DSCAM: variants seen among roughly 807,000 people sequenced by gnomAD.
The protein encoded by DSCAM is cell adhesion molecule DSCAM.
A neutral mutation model predicts 217.7 loss-of-function variants in DSCAM; 47 were observed. The observed-to-expected ratio is 0.22, with a 90% confidence interval of 0.17 to 0.28. The LOEUF is 0.28. Among genes scored for constraint, DSCAM ranks in the 10% least tolerant of loss-of-function variants. DSCAM has a pLI of 1.00. For missense variants in DSCAM, 2,080 were observed against 2,618.3 expected (o/e 0.79, Z 4.49); for synonymous variants, 1,056 against 1,015.3 (o/e 1.04, Z -0.76).
chr21:40,825,957 C>A (rs543567358), intron 1 of DSCAM, among the ~76,000 whole-genome samples: 2 of 152,336 alleles, frequency 1.3e-5, no homozygotes, highest in African/African-American at 4.8e-5. Context: ...AAACAACATT[C>A]ATTGGTTTAA....
At chr21:40,539,437 A>T (rs950377689) in intron 3 of DSCAM, among the ~76,000 whole-genome samples, 1 of 152,006 alleles carries the variant, frequency 6.6e-6, no homozygotes, top group African/African-American at 2.4e-5. Context: ...CAGAGCTTGC[A>T]GTGACCCCAG....
chr21:40,287,211 C>T (rs542612161), intron 10 of DSCAM, among the ~76,000 whole-genome samples: 5 of 146,134 alleles, frequency 3.4e-5, no homozygotes, highest in African/African-American at 1.4e-4. Flanking sequence ...GTATGATGTG[C>T]AGTGTGATCA....
chr21:40,275,674 G>A (rs925775453), intron 11 of DSCAM, among the ~76,000 whole-genome samples: 2 of 152,200 alleles, frequency 1.3e-5, no homozygotes, highest in African/African-American at 4.8e-5. Context: ...GGACAAGACA[G>A]CTTGCAAATA....
At chr21:40,615,797 C>T (rs2089385671) in intron 3 of DSCAM, among the ~76,000 whole-genome samples, 1 of 151,990 alleles carries the variant, frequency 6.6e-6, no homozygotes, top group African/African-American at 2.4e-5. Flanking sequence ...GTGATATGGG[C>T]AGTCTTTGCC....
intron 8 of DSCAM, among the ~76,000 whole-genome samples, chr21:40,330,455 G>A (rs1288320175): frequency 6.7e-6 from 1 of 148,794 alleles, no homozygotes; most frequent in Non-Finnish European, 1.5e-5. Flanking sequence ...CTTACACATA[G>A]TCTTTTTTTC....
At position 40,075,136 on chromosome 21, in the gene DSCAM, C is replaced by T; in HGVS notation, c.4789G>A (p.Val1597Met). 1 of 1,614,212 alleles carries T rather than the reference C, an allele frequency of 6.2e-7. No individual in the cohort carries two copies. The highest frequency in any genetic ancestry group is 1.1e-5 in the South Asian group (1 of 91,082). The change falls in exon 27 of 33, where the codon GTG (valine) becomes ATG (methionine). Residue 1597 changes from valine to methionine, a missense_variant. Around this residue, in one of 5 missense-constraint regions of DSCAM, gnomAD observed 1,144 missense variants for 1,421.1 expected, o/e 0.81. Transcript: ENST00000400454. Reference sequence around the variant, plus strand: ...CCCACCAGGATACAGGAGATGGTCACCAGCATCTTGAGCCCCTCGTTGGTC... The same window carrying T: ...CCCACCAGGATACAGGAGATGGTCATCAGCATCTTGAGCCCCTCGTTGGTC... ...LTTNEGLKML[V>M]TISCILVGVL...
intron 3 of DSCAM, among the ~76,000 whole-genome samples, chr21:40,503,710 G>A (rs1380873692): frequency 6.6e-6 from 1 of 152,056 alleles, no homozygotes; most frequent in African/African-American, 2.4e-5. Flanking sequence ...TTAATTTCAG[G>A]GCTTACCCAG....
chr21:40,545,079 A>G (rs1475647499), intron 3 of DSCAM, among the ~76,000 whole-genome samples: 2 of 152,192 alleles, frequency 1.3e-5, no homozygotes, highest in African/African-American at 4.8e-5. Flanking sequence ...GAAGCCCTCA[A>G]GAATGAGATT....
At chr21:40,698,912 C>G (rs2090624757) in intron 2 of DSCAM, among the ~76,000 whole-genome samples, 1 of 138,498 alleles carries the variant, frequency 7.2e-6, no homozygotes, top group African/African-American at 2.6e-5. Flanking sequence ...TTCTGCTGTT[C>G]TTCGTGTCTC....
At chr21:40,421,961 G>A (rs1178458845) in intron 3 of DSCAM, among the ~76,000 whole-genome samples, 3 of 152,202 alleles carry the variant, frequency 2.0e-5, no homozygotes, top group Non-Finnish European at 4.4e-5. Context: ...AGGAGGCTCT[G>A]AGCATGTAAT....
chr21:40,078,693 C>T lies in DSCAM; in HGVS notation c.4705G>A (p.Asp1569Asn), dbSNP rs774126336. 5 of 1,612,840 alleles carry T rather than the reference C, an allele frequency of 3.1e-6. No homozygotes were observed. The highest frequency in any genetic ancestry group is 4.2e-6 in the Non-Finnish European group (5 of 1,179,070). ...ACAAAGCCAGCCAGCTTACTGCCAT[C>T]GTAGTTCAGCGTAGCGAAGTTGGCC... ...KQANFATLNY[D>N]GSTIPPLIKS... Residue 1569 changes from aspartate to asparagine, a missense_variant, in exon 26 of 33, where the codon GAT (aspartate) becomes AAT (asparagine). Asp to Asn is a conservative substitution (Grantham distance 23). Around this residue, in one of 5 missense-constraint regions of DSCAM, gnomAD observed 1,144 missense variants for 1,421.1 expected, o/e 0.81. Transcript: ENST00000400454.
intron 1 of DSCAM, among the ~76,000 whole-genome samples, chr21:40,742,544 A>G (rs780515913): frequency 6.6e-6 from 1 of 152,258 alleles, no homozygotes; most frequent in African/African-American, 2.4e-5. Flanking sequence ...GTTGCAAGAG[A>G]ATAAATGTAT....
chr21:40,790,249 T>G (rs2091629859), intron 1 of DSCAM, among the ~76,000 whole-genome samples: 1 of 148,024 alleles, frequency 6.8e-6, no homozygotes, highest in South Asian at 2.2e-4. Context: ...TGGCGCAATC[T>G]CGGCTCACTG....
At chr21:40,403,051 G>A (rs1410611070) in intron 3 of DSCAM, among the ~76,000 whole-genome samples, 1 of 151,698 alleles carries the variant, frequency 6.6e-6, no homozygotes, top group Non-Finnish European at 1.5e-5. Context: ...GACACTGAAA[G>A]CAGGCACTTC....
Position 40,144,834 on chromosome 21 carries a change from T to C in DSCAM, c.3019-103A>G. 1.3e-6 allele frequency: 2 copies of C among 1,499,282 alleles called. No individual in the cohort carries two copies. The highest frequency in any genetic ancestry group is 1.2e-5 in the South Asian group (1 of 80,644). 92.9% of individuals were successfully genotyped at this position (1,499,282 alleles called of 1,614,324 possible). ...GGAAAGCAGAAATAAAGTGGAGTCA[T>C]CGCCACGATGCTGGGGCGGTGGTCC... On this transcript the variant is annotated intron_variant, in intron 16 of 32. Transcript: ENST00000400454. This position sits in a 1 kb window ranked among gnomAD's most constrained non-coding sequence, Gnocchi z 4.8.
chr21:40,316,827 A>G (rs188246755), intron 8 of DSCAM, among the ~76,000 whole-genome samples: 20 of 152,310 alleles, frequency 1.3e-4, no homozygotes, highest in East Asian at 5.8e-4. Flanking sequence ...TAACAAGAAT[A>G]TTAGATCAGA....
chr21:40,135,399 A>C (rs1204093191), intron 18 of DSCAM, among the ~76,000 whole-genome samples: 1 of 152,252 alleles, frequency 6.6e-6, no homozygotes, highest in Non-Finnish European at 1.5e-5. Context: ...CAACCAGCAG[A>C]GTTATTCAAT....
chr21:40,461,140 GAAGT>G (rs78468178), intron 3 of DSCAM, among the ~76,000 whole-genome samples: 17,781 of 152,078 alleles, frequency 0.12, 1,088 homozygotes, highest in Middle Eastern at 0.2. Flanking sequence ...AAACATGAAT[GAAGT>G]ATTATTCACA....
chr21:40,737,823 G>C (rs1442106617), intron 1 of DSCAM, among the ~76,000 whole-genome samples: 1 of 152,202 alleles, frequency 6.6e-6, no homozygotes, highest in Non-Finnish European at 1.5e-5. Context: ...AGGGGCTCTT[G>C]AGTGGGTTCT....
Sources: allele counts gnomAD v4.1 joint callset (sites outside exome capture counted in the v4.1 genomes callset), GRCh38; gene constraint gnomAD v4.1.1; regional missense constraint gnomAD v4.1.1; non-coding constraint Gnocchi (gnomAD v3.1); transcripts MANE v1.5; gene names NCBI Gene and HGNC (gene_info 2026-07-23, HGNC 2026-07-21).